IL1RAPL1: variants seen among roughly 807,000 people sequenced by gnomAD.
The protein encoded by IL1RAPL1 is interleukin 1 receptor accessory protein like 1.
A neutral mutation model predicts 48.4 loss-of-function variants in IL1RAPL1; 3 were observed. That is an observed-to-expected ratio of 0.06 (90% CI 0.03 to 0.16). The LOEUF is 0.16. IL1RAPL1 is among the 10% of genes least tolerant of loss of function. The pLI is 1.00. For missense variants in IL1RAPL1, 349 were observed against 530.6 expected, an observed-to-expected ratio of 0.66 and a Z score of 3.36; for synonymous variants, 185 against 187.7, an observed-to-expected ratio of 0.99 and a Z score of 0.12.
At chrX:29,953,976 C>T (rs151207523) in intron 9 of IL1RAPL1, among the ~76,000 whole-genome samples, 2,881 of 110,316 alleles carry the variant, frequency 0.026, 88 homozygotes, top group African/African-American at 0.09. Context: ...TGGCTCACGC[C>T]TGTAATCCCA....
At chrX:28,773,990 G>A (rs1363493266) in intron 1 of IL1RAPL1, among the ~76,000 whole-genome samples, 3 of 111,905 alleles carry the variant, frequency 2.7e-5, no homozygotes, top group Admixed American at 9.5e-5. Flanking sequence ...TCTCACCTTA[G>A]CTGATCCTTT....
chrX:29,170,543 C>A (rs1368746194), intron 2 of IL1RAPL1, among the ~76,000 whole-genome samples: 2 of 111,150 alleles, frequency 1.8e-5, no homozygotes, highest in Non-Finnish European at 3.8e-5. Flanking sequence ...CAAACCTTGT[C>A]AGTTTTGTTT....
chrX:28,798,837 C>T (rs1348689352), intron 2 of IL1RAPL1, among the ~76,000 whole-genome samples: 1 of 111,401 alleles, frequency 9.0e-6, no homozygotes, highest in Non-Finnish European at 1.9e-5. Context: ...GGAAAGAAAA[C>T]AGGGCAGAGG....
At chrX:28,847,372 A>T (rs1302547003) in intron 2 of IL1RAPL1, among the ~76,000 whole-genome samples, 1 of 110,700 alleles carries the variant, frequency 9.0e-6, no homozygotes, top group Non-Finnish European at 1.9e-5. Context: ...TGCTCCCTTT[A>T]ACTGTTTTAT....
intron 2 of IL1RAPL1, among the ~76,000 whole-genome samples, chrX:28,894,724 A>G (rs940161118): frequency 6.3e-5 from 7 of 111,097 alleles, no homozygotes; most frequent in Middle Eastern, 4.6e-3. Flanking sequence ...CATGAGGGCT[A>G]GGCTAAAACA....
chrX:29,412,194 T>C (rs1273630099), intron 5 of IL1RAPL1, among the ~76,000 whole-genome samples: 3 of 110,368 alleles, frequency 2.7e-5, no homozygotes, highest in Admixed American at 9.7e-5. Context: ...TTGCTTGAAC[T>C]CAGGAGGCAG....
intron 2 of IL1RAPL1, among the ~76,000 whole-genome samples, chrX:29,050,104 G>A (rs765020680): frequency 9.0e-6 from 1 of 111,343 alleles, no homozygotes; most frequent in Non-Finnish European, 1.9e-5. Flanking sequence ...CAGAGATGGA[G>A]TCTCATTGTG....
intron 1 of IL1RAPL1, among the ~76,000 whole-genome samples, chrX:28,710,250 G>C (rs1435168815): frequency 9.3e-6 from 1 of 107,348 alleles, no homozygotes; most frequent in Non-Finnish European, 1.9e-5. Flanking sequence ...AGGGGAGATA[G>C]ACAAGAAACA....
At chrX:29,218,227 G>A (rs1930913604) in intron 2 of IL1RAPL1, among the ~76,000 whole-genome samples, 1 of 111,758 alleles carries the variant, frequency 8.9e-6, no homozygotes, top group African/African-American at 3.2e-5. Context: ...TATCAACCTG[G>A]ACACATCCGG....
chrX:29,343,017 T>C (rs982303222), intron 3 of IL1RAPL1, among the ~76,000 whole-genome samples: 2 of 112,181 alleles, frequency 1.8e-5, no homozygotes, highest in Non-Finnish European at 3.8e-5. Flanking sequence ...CCTCATTACT[T>C]CTGGAGGTCT....
chrX:29,845,151 T>C (rs1931220973), intron 6 of IL1RAPL1, among the ~76,000 whole-genome samples: 1 of 112,359 alleles, frequency 8.9e-6, no homozygotes, highest in African/African-American at 3.2e-5. Flanking sequence ...ATGTGTAATT[T>C]GTTGCAGCAG....
chrX:29,762,904 C>G (rs1928788629), intron 6 of IL1RAPL1, among the ~76,000 whole-genome samples: 2 of 111,466 alleles, frequency 1.8e-5, no homozygotes, highest in Non-Finnish European at 3.8e-5. Context: ...ACTATCATCC[C>G]TCAGTGTCGC....
chrX:29,028,768 G>T (rs1926549994), intron 2 of IL1RAPL1, among the ~76,000 whole-genome samples: 1 of 111,126 alleles, frequency 9.0e-6, no homozygotes, highest in South Asian at 3.9e-4. Flanking sequence ...GCTGGGGTCA[G>T]CCTGGCAGTA....
At chrX:29,616,949 TA>T (rs1273014453) in intron 5 of IL1RAPL1, among the ~76,000 whole-genome samples, 1 of 111,807 alleles carries the variant, frequency 8.9e-6, no homozygotes, top group East Asian at 2.8e-4. Flanking sequence ...TATAACCATT[TA>T]TTGATCATTT....
intron 2 of IL1RAPL1, among the ~76,000 whole-genome samples, chrX:28,830,116 T>C (rs1356083493): frequency 8.9e-6 from 1 of 111,856 alleles, no homozygotes; most frequent in Non-Finnish European, 1.9e-5. Context: ...GAATTGTCTC[T>C]GTCTGGTTTT....
intron 1 of IL1RAPL1, among the ~76,000 whole-genome samples, chrX:28,787,107 T>C (rs750905031): frequency 1.8e-5 from 2 of 112,317 alleles, no homozygotes; most frequent in Admixed American, 9.5e-5. Flanking sequence ...TATTACCAAA[T>C]TGATGCTTTC....
At position 28,836,376 on chromosome X, in the gene IL1RAPL1, G is replaced by C. The variant is rs867883800; in HGVS notation, c.82+46951G>C. 2.1e-3 allele frequency among the ~76,000 whole-genome samples: 202 copies of C among 94,078 alleles called. 1 individual carries two copies. The highest frequency in any genetic ancestry group is 0.01 in the African/African-American group (194 of 19,355). 81.7% of individuals were successfully genotyped at this position (94,078 alleles called of 115,157 possible). Reference sequence around the variant, plus strand: ...TATATATATATATGACAGAGAGAGAGAGAGAGAGAGACAGACAGACAGAGA... The same window carrying C: ...TATATATATATATGACAGAGAGAGACAGAGAGAGAGACAGACAGACAGAGA... On this transcript the variant is annotated intron_variant, in intron 2 of 10. Transcript: ENST00000378993.
At chrX:28,845,033 G>A (rs765369916) in intron 2 of IL1RAPL1, among the ~76,000 whole-genome samples, 2 of 111,818 alleles carry the variant, frequency 1.8e-5, no homozygotes, top group Non-Finnish European at 3.8e-5. Flanking sequence ...TACATGACAG[G>A]TGAAATATCA....
At chrX:29,376,314 T>C (rs181720870) in intron 3 of IL1RAPL1, among the ~76,000 whole-genome samples, 74 of 111,498 alleles carry the variant, frequency 6.6e-4, no homozygotes, top group Middle Eastern at 4.7e-3. Context: ...TGCCTTCATT[T>C]CAGTGTTCAC....
Sources: gnomAD v4.1 joint callset for allele counts (sites outside exome capture counted in the v4.1 genomes callset) on GRCh38, gnomAD v4.1.1 for gene constraint, MANE v1.5 for transcripts, NCBI Gene and HGNC (gene_info 2026-07-23, HGNC 2026-07-21) for gene names.